The following CELF2 variants were observed in gnomAD, a reference collection of about 807,000 sequenced individuals.
CELF2 encodes CUGBP Elav-like family member 2, also known as CUG triplet repeat RNA-binding protein 2.
Under a neutral mutation model 62.6 loss-of-function variants are expected in CELF2, and 8 were observed. The observed-to-expected ratio is 0.13, with a 90% CI of 0.07 to 0.23. The LOEUF is 0.23. Ranked by LOEUF, CELF2 falls within the 10% of genes least tolerant of loss-of-function variation. The pLI is 1.00. For synonymous variants in CELF2, 258 were observed against 250.0 expected (o/e 1.03, Z -0.30); for missense variants, 333 against 671.0 (o/e 0.50, Z 5.56).
rs57223363 is a variant in CELF2, at chr10:10,981,553, G to A, written c.89+61554G>A. ...GAAACAACAAAAATATGTACTTAGT[G>A]TTCTATCGTCCATGCATGCTTTATT... is the stretch of plus-strand genomic sequence containing the variant. On this transcript the variant is annotated intron_variant, in intron 2 of 13. Transcript: ENST00000636488. Among the ~76,000 whole-genome samples, 1,186 of 152,296 alleles carry A rather than the reference G, an allele frequency of 7.8e-3. 19 individuals carry two copies. Among genetic ancestry groups the A allele is most frequent in the African/African-American group, 0.026 (1,088 of 41,564 alleles).
the CELF2 span, among the ~76,000 whole-genome samples, chr10:10,523,877 C>G: frequency 6.6e-6 from 1 of 152,160 alleles, no homozygotes; most frequent in African/African-American, 2.4e-5. Flanking sequence ...ATACTTTAGT[C>G]TGCTTGATCA....
rs924690345 is a variant in CELF2 at position 10,936,985 on chromosome 10, C to T, written c.89+16986C>T. Among the ~76,000 whole-genome samples the T allele has an allele frequency of 2.6e-5, 4 of 152,092 alleles. No individual in the cohort carries two copies. The highest frequency in any genetic ancestry group is 6.6e-5 in the Admixed American group (1 of 15,260). On this transcript the variant is annotated intron_variant, in intron 2 of 13. Transcript: ENST00000636488. This position sits in a 1 kb window ranked among gnomAD's most constrained non-coding sequence, Gnocchi z 4.0. ...CAGTCCCATCTTTGAAAGAAGTAAC[C>T]GACACTTGCCAAGTCTCTCATCCGG...
At chr10:10,697,639 A>G in the CELF2 span, among the ~76,000 whole-genome samples, 1 of 152,166 alleles carries the variant, frequency 6.6e-6, no homozygotes, top group Non-Finnish European at 1.5e-5. Context: ...GCCAATCGGT[A>G]GCTGCATCCT....
intron 2 of CELF2, among the ~76,000 whole-genome samples, chr10:10,944,976 C>A (rs1040621491): frequency 6.6e-6 from 1 of 152,100 alleles, no homozygotes; most frequent in African/African-American, 2.4e-5. Flanking sequence ...GAGAAGGGGG[C>A]AGAGTCCCTG....
the CELF2 span, among the ~76,000 whole-genome samples, chr10:10,725,405 C>T: frequency 1.3e-5 from 2 of 152,146 alleles, no homozygotes; most frequent in African/African-American, 2.4e-5. Context: ...CGCAACAGTA[C>T]GGGATTGTGA....
At chr10:10,777,681 A>T in the CELF2 span, among the ~76,000 whole-genome samples, 4 of 152,282 alleles carry the variant, frequency 2.6e-5, no homozygotes, top group South Asian at 8.3e-4. Flanking sequence ...TGTTTCTACA[A>T]TGCAAATGAT....
At chr10:11,111,385 GT>G (rs1284883114) in intron 1 of CELF2, among the ~76,000 whole-genome samples, 2 of 152,164 alleles carry the variant, frequency 1.3e-5, no homozygotes, top group Admixed American at 6.5e-5. Context: ...ACTGATAAGT[GT>G]TTGTCAGTTG....
chr10:11,243,392 T>C lies in CELF2; in HGVS notation c.355-5761T>C, dbSNP rs1356377105. Reference sequence around the variant, plus strand: ...AAAAAAAAAAGCTTCTAAAAATTCATGTACCATCAAGGAAATCTTCACATG... The same window carrying C: ...AAAAAAAAAAGCTTCTAAAAATTCACGTACCATCAAGGAAATCTTCACATG... On this transcript the variant is annotated intron_variant, in intron 3 of 12. Transcript: ENST00000633077. The surrounding 1 kb of genome is among the most constrained non-coding windows in gnomAD (Gnocchi z 4.1). 3.3e-5 allele frequency among the ~76,000 whole-genome samples: 5 copies of C among 151,054 alleles called. No individual in the cohort carries two copies. The highest frequency in any genetic ancestry group is 9.7e-5 in the African/African-American group (4 of 41,056).
At chr10:11,056,750 A>T (rs1238293794) in intron 1 of CELF2, among the ~76,000 whole-genome samples, 2 of 152,248 alleles carry the variant, frequency 1.3e-5, no homozygotes, top group Non-Finnish European at 2.9e-5. Context: ...CACTTATCTT[A>T]GGTGAAGAAG....
the CELF2 span, among the ~76,000 whole-genome samples, chr10:10,657,593 A>AG: frequency 6.6e-6 from 1 of 152,166 alleles, no homozygotes; most frequent in Non-Finnish European, 1.5e-5. Context: ...ATGTTGAATA[A>AG]GAAAAAAAGA....
chr10:10,543,333 A>C, the CELF2 span, among the ~76,000 whole-genome samples: 1 of 152,122 alleles, frequency 6.6e-6, no homozygotes, highest in East Asian at 1.9e-4. Context: ...CAAGTCTCAA[A>C]ATTCCCTCCT....
chr10:10,485,469 C>G, the CELF2 span, among the ~76,000 whole-genome samples: 756 of 152,316 alleles, frequency 5.0e-3, 8 homozygotes, highest in African/African-American at 0.018. Context: ...CTTTTGGTTA[C>G]AAGTGTGAAC....
the CELF2 span, among the ~76,000 whole-genome samples, chr10:10,495,173 C>T: frequency 5.9e-5 from 9 of 152,000 alleles, no homozygotes; most frequent in Non-Finnish European, 1.2e-4. Flanking sequence ...CCCAGCTACT[C>T]GGGAGGCTGA....
the CELF2 span, among the ~76,000 whole-genome samples, chr10:10,567,323 A>G: frequency 1.3e-5 from 2 of 152,204 alleles, no homozygotes; most frequent in Admixed American, 1.3e-4. Flanking sequence ...AGGTAGTTTG[A>G]ATCCTATGTT....
At chr10:10,946,225 A>G (rs1190015215) in intron 2 of CELF2, 1 of 152,342 alleles carries the variant, frequency 6.6e-6, no homozygotes, top group Admixed American at 6.5e-5. Flanking sequence ...GCTGGGAGAG[A>G]TTTATATGAG....
At chr10:11,222,105 C>T (rs78451661) in intron 3 of CELF2, among the ~76,000 whole-genome samples, 2,243 of 151,706 alleles carry the variant, frequency 0.015, 72 homozygotes, top group African/African-American at 0.051. Context: ...CTTCACTCTG[C>T]TCGCCATGGA....
the CELF2 span, among the ~76,000 whole-genome samples, chr10:10,760,038 G>A: frequency 6.6e-6 from 1 of 152,140 alleles, no homozygotes; most frequent in Non-Finnish European, 1.5e-5. Context: ...CTGCGTAGCT[G>A]GGATTACAGG....
chr10:11,078,325 T>C (rs1361516600), intron 1 of CELF2, among the ~76,000 whole-genome samples: 10 of 152,190 alleles, frequency 6.6e-5, no homozygotes, highest in Non-Finnish European at 1.2e-4. Flanking sequence ...GATTTCATCT[T>C]TCATAAACTT....
At chr10:11,052,534 T>C (rs947958728) in intron 1 of CELF2, among the ~76,000 whole-genome samples, 1 of 152,194 alleles carries the variant, frequency 6.6e-6, no homozygotes, top group Non-Finnish European at 1.5e-5. Context: ...AGATGAACTT[T>C]TGTCCTGTTC....
Sources: allele counts gnomAD v4.1 joint callset (sites outside exome capture counted in the v4.1 genomes callset), GRCh38; gene constraint gnomAD v4.1.1; non-coding constraint Gnocchi (gnomAD v3.1); transcripts MANE v1.5; gene names NCBI Gene and HGNC (gene_info 2026-07-23, HGNC 2026-07-21).